Variants in PTPRR observed in about 807,000 individuals in gnomAD.
PTPRR encodes protein tyrosine phosphatase receptor type R.
PTPRR carries 38 observed loss-of-function variants against 77.2 expected under a neutral mutation model. The observed-to-expected ratio is 0.49, with a 90% CI of 0.38 to 0.65. The LOEUF (loss-of-function observed/expected upper bound fraction) is 0.65, where lower values mean the gene tolerates loss of function less well. Among genes scored for constraint, PTPRR ranks in the 30% least tolerant of loss-of-function variants. The pLI, the probability that PTPRR is intolerant of heterozygous loss-of-function variation, is 0.00. For missense variants in PTPRR, 744 were observed against 799.2 expected (o/e 0.93, Z 0.83); for synonymous variants, 299 against 283.1 (o/e 1.06, Z -0.57).
chr12:70,762,799 G>C (rs1161744386), intron 3 of PTPRR, among the ~76,000 whole-genome samples: 1 of 152,118 alleles, frequency 6.6e-6, no homozygotes, highest in African/African-American at 2.4e-5. Flanking sequence ...GTATGGTTTT[G>C]TCTGTCTCCA....
At chr12:70,836,557 T>G (rs1892308321) in intron 2 of PTPRR, among the ~76,000 whole-genome samples, 1 of 152,016 alleles carries the variant, frequency 6.6e-6, no homozygotes, top group Admixed American at 6.6e-5. Flanking sequence ...ATCTAGCCCC[T>G]TCTCATCACT....
intron 2 of PTPRR, among the ~76,000 whole-genome samples, chr12:70,878,936 G>T (rs1034236899): frequency 6.6e-5 from 10 of 152,278 alleles, no homozygotes; most frequent in East Asian, 1.9e-4. Context: ...AAAAGGATGA[G>T]TTCATGTCCT....
At chr12:70,754,079 T>C (rs1264891013) in intron 5 of PTPRR, 112 bp downstream of exon 5, 4 of 985,404 alleles carry the variant, frequency 4.1e-6, no homozygotes, top group Non-Finnish European at 5.9e-6. Context: ...AGCAGGATCA[T>C]AGTCTTCCTT....
chr12:70,765,844 T>A (rs574816378), intron 2 of PTPRR, among the ~76,000 whole-genome samples: 2 of 152,160 alleles, frequency 1.3e-5, no homozygotes, highest in Non-Finnish European at 2.9e-5. Context: ...GACAGCAGCA[T>A]TCGCAGTTCA....
intron 5 of PTPRR, among the ~76,000 whole-genome samples, chr12:70,746,363 A>G (rs1367423848): frequency 6.6e-6 from 1 of 152,318 alleles, no homozygotes; most frequent in East Asian, 1.9e-4. Context: ...AACCAATTTT[A>G]TGAAAAATGC....
chr12:70,880,461 T>G (rs1343190715), intron 2 of PTPRR, among the ~76,000 whole-genome samples: 1 of 152,188 alleles, frequency 6.6e-6, no homozygotes, highest in African/African-American at 2.4e-5. Context: ...CAATATCCAG[T>G]GTAAGGTAGT....
At chr12:70,707,035 C>G (rs1888643639) in intron 6 of PTPRR, among the ~76,000 whole-genome samples, 1 of 152,096 alleles carries the variant, frequency 6.6e-6, no homozygotes. Flanking sequence ...TGAGTACACA[C>G]TGATGAACAT....
intron 1 of PTPRR, among the ~76,000 whole-genome samples, chr12:70,906,730 T>G (rs1160642260): frequency 6.6e-6 from 1 of 152,194 alleles, no homozygotes; most frequent in African/African-American, 2.4e-5. Context: ...CACATTGTTT[T>G]GTTTTGTATC....
At chr12:70,809,517 C>T (rs1891772022) in intron 2 of PTPRR, among the ~76,000 whole-genome samples, 2 of 152,238 alleles carry the variant, frequency 1.3e-5, no homozygotes, top group African/African-American at 4.8e-5. Flanking sequence ...GTCATTATGT[C>T]GTACAGTAGA....
At chr12:70,840,251 T>C (rs145900303) in intron 2 of PTPRR, among the ~76,000 whole-genome samples, 72 of 152,262 alleles carry the variant, frequency 4.7e-4, no homozygotes, top group Non-Finnish European at 8.5e-4. Context: ...TTTCTTGTCT[T>C]GTGGCCCCAT....
At chr12:70,815,169 A>G (rs1891881245) in intron 2 of PTPRR, among the ~76,000 whole-genome samples, 1 of 151,738 alleles carries the variant, frequency 6.6e-6, no homozygotes, top group African/African-American at 2.4e-5. Context: ...ACTTCTAGAA[A>G]AAAAATTGCA....
intron 5 of PTPRR, among the ~76,000 whole-genome samples, chr12:70,747,998 G>T (rs1163130872): frequency 6.6e-6 from 1 of 152,114 alleles, no homozygotes; most frequent in South Asian, 2.1e-4. Flanking sequence ...TATTTTCAGG[G>T]TGTGGGGGAA....
chr12:70,765,864 G>A (rs1890807811), intron 2 of PTPRR, among the ~76,000 whole-genome samples: 1 of 152,142 alleles, frequency 6.6e-6, no homozygotes, highest in South Asian at 2.1e-4. Context: ...ACAAACATCT[G>A]GTGTTCTGCA....
At chr12:70,711,548 C>T (rs1888829737) in intron 6 of PTPRR, among the ~76,000 whole-genome samples, 1 of 151,940 alleles carries the variant, frequency 6.6e-6, no homozygotes, top group Non-Finnish European at 1.5e-5. Flanking sequence ...ATAATGTATA[C>T]AACAAACCCC....
rs71437157 is a variant in PTPRR, at chr12:70,795,913, A to ATTTTTTTTTTTTTTTTTTTTTTTTTTTTT, written c.358-31136_358-31135insAAAAAAAAAAAAAAAAAAAAAAAAAAAAA. Among the ~76,000 whole-genome samples the ATTTTTTTTTTTTTTTTTTTTTTTTTTTTT allele has an allele frequency of 9.1e-5, 8 of 88,356 alleles. 4 individuals are homozygous for ATTTTTTTTTTTTTTTTTTTTTTTTTTTTT. Among genetic ancestry groups the ATTTTTTTTTTTTTTTTTTTTTTTTTTTTT allele is most frequent in the Non-Finnish European group, 8.8e-5 (4 of 45,284 alleles). 58.0% of individuals were successfully genotyped at this position (88,356 alleles called of 152,430 possible). A position where few individuals can be genotyped will look rare whatever the true frequency, so the allele number is the denominator to read the frequency against. ...TATATGTTCAAAATGTATTTAGTAG[A>ATTTTTTTTTTTTTTTTTTTTTTTTTTTTT]TTTTTTTTTTTTTTTTTTTTTTTTT... On this transcript the variant is annotated intron_variant, in intron 2 of 13. Transcript: ENST00000283228.
intron 2 of PTPRR, among the ~76,000 whole-genome samples, chr12:70,804,990 C>G (rs1891683488): frequency 1.3e-5 from 2 of 152,070 alleles, no homozygotes; most frequent in Admixed American, 1.3e-4. Flanking sequence ...TGTATCTCTC[C>G]CCATGCTTAT....
At chr12:70,853,836 C>T (rs189747701) in intron 2 of PTPRR, among the ~76,000 whole-genome samples, 9 of 152,172 alleles carry the variant, frequency 5.9e-5, no homozygotes, top group African/African-American at 2.2e-4. Flanking sequence ...TACTATAGAT[C>T]AATAAGTGGG....
intron 2 of PTPRR, among the ~76,000 whole-genome samples, chr12:70,791,440 T>C (rs1477616367): frequency 6.6e-6 from 1 of 152,204 alleles, no homozygotes. Context: ...AATCAGACTC[T>C]TTTAGAATAC....
At position 70,746,000 on chromosome 12, in the gene PTPRR, T is replaced by C; in HGVS notation, c.825A>G (p.Thr275=). The change falls in exon 6 of 14, where the codon ACA becomes ACG. Residue 275 remains threonine, a synonymous_variant. Transcript: ENST00000283228. ...KNQEIHLSPI[T]LQPALSEAKT... ...TTGCCTCGGACAGTGCTGGCTGTAATGTGATGGGCGATAGGTGGATCTCCT... is the reference window on the plus strand; with the variant it reads ...TTGCCTCGGACAGTGCTGGCTGTAACGTGATGGGCGATAGGTGGATCTCCT... 1.2e-6 allele frequency: 2 copies of C among 1,614,066 alleles called. No homozygotes were observed. The highest frequency in any genetic ancestry group is 1.7e-6 in the Non-Finnish European group (2 of 1,179,958).
Sources: allele counts gnomAD v4.1 joint callset (sites outside exome capture counted in the v4.1 genomes callset), GRCh38; gene constraint gnomAD v4.1.1; transcripts MANE v1.5; gene names NCBI Gene and HGNC (gene_info 2026-07-23, HGNC 2026-07-21).